The following GRIN2B variants were observed in gnomAD, a reference collection of about 807,000 sequenced individuals.
GRIN2B encodes the protein glutamate receptor ionotropic, NMDA 2B.
GRIN2B carries 5 observed loss-of-function variants against 114.5 expected under a neutral mutation model. That is an observed-to-expected ratio of 0.04 (90% CI 0.02 to 0.09). The LOEUF (loss-of-function observed/expected upper bound fraction) is 0.09. Ranked by LOEUF, GRIN2B falls within the 10% of genes least tolerant of loss-of-function variation. The pLI, the probability that GRIN2B is intolerant of heterozygous loss-of-function variation, is 1.00. For synonymous variants in GRIN2B, 787 were observed against 745.1 expected (o/e 1.06, Z -0.92); for missense variants, 1,108 against 1,943.5 (o/e 0.57, Z 8.08).
chr12:13,720,016 TG>T (rs1312359471), intron 4 of GRIN2B, among the ~76,000 whole-genome samples: 1 of 152,036 alleles, frequency 6.6e-6, no homozygotes, highest in Non-Finnish European at 1.5e-5. Context: ...TGGGAAAGGT[TG>T]GCCCCAGGGA....
chr12:13,754,027 A>G lies in GRIN2B; in HGVS notation c.412-112T>C. 4.4e-6 allele frequency: 3 copies of G among 676,930 alleles called. No homozygotes were observed. In the South Asian group the frequency reaches 5.2e-5, roughly 12 times the overall value. 41.9% of individuals were successfully genotyped at this position (676,930 alleles called of 1,614,324 possible). On this transcript the variant is annotated intron_variant, in intron 3 of 13. Transcript: ENST00000609686. ...AGATTTGTGTTCATTACTTATTTTTATATAATGCCTTTACAAGTTTGTATT... is the reference window on the plus strand; with the variant it reads ...AGATTTGTGTTCATTACTTATTTTTGTATAATGCCTTTACAAGTTTGTATT...
chr12:13,683,657 T>A (rs1950151035), intron 4 of GRIN2B: 1 of 156,452 alleles, frequency 6.4e-6, no homozygotes, highest in African/African-American at 2.4e-5. Context: ...TCCATGTGCA[T>A]CCGTCCCTAA....
chr12:13,916,537 AC>A (rs1382826674), intron 2 of GRIN2B, among the ~76,000 whole-genome samples: 1 of 152,038 alleles, frequency 6.6e-6, no homozygotes, highest in Non-Finnish European at 1.5e-5. Context: ...GGAAAGGAAA[AC>A]TGATCTACTC....
At chr12:13,729,502 G>T (rs1051786262) in intron 4 of GRIN2B, among the ~76,000 whole-genome samples, 4 of 152,220 alleles carry the variant, frequency 2.6e-5, no homozygotes, top group Non-Finnish European at 5.9e-5. Context: ...TCTTGGAGGC[G>T]GGTGGAAGGA....
chr12:13,626,767 C>T (rs964373250), intron 5 of GRIN2B, among the ~76,000 whole-genome samples: 2 of 150,482 alleles, frequency 1.3e-5, no homozygotes, highest in Admixed American at 6.6e-5. Context: ...TGTTGAGCTA[C>T]CAACCAGCCA....
intron 3 of GRIN2B, among the ~76,000 whole-genome samples, chr12:13,838,138 T>C (rs1014861406): frequency 3.3e-5 from 5 of 152,106 alleles, no homozygotes; most frequent in African/African-American, 1.2e-4. Context: ...ATCGGAGGGA[T>C]GAGGACAGGA....
chr12:13,920,954 C>G (rs1414482119), intron 2 of GRIN2B, among the ~76,000 whole-genome samples: 1 of 152,138 alleles, frequency 6.6e-6, no homozygotes, highest in Non-Finnish European at 1.5e-5. Context: ...AGGATTTGTA[C>G]CAATCCTAAC....
intron 3 of GRIN2B, among the ~76,000 whole-genome samples, chr12:13,793,535 A>T (rs543724624): frequency 6.6e-6 from 1 of 152,368 alleles, no homozygotes; most frequent in East Asian, 1.9e-4. Flanking sequence ...TCTGAACAGA[A>T]TGAAGTCATC....
chr12:13,665,235 C>T (rs1949963307), intron 5 of GRIN2B, among the ~76,000 whole-genome samples: 1 of 151,680 alleles, frequency 6.6e-6, no homozygotes, highest in East Asian at 1.9e-4. Flanking sequence ...AAAGCTTTCT[C>T]CCCCCTTTAT....
At chr12:13,717,066 CGTGT>C (rs56360153) in intron 4 of GRIN2B, among the ~76,000 whole-genome samples, 4,203 of 145,818 alleles carry the variant, frequency 0.029, 125 homozygotes, top group African/African-American at 0.072. Context: ...ATGCCATACG[CGTGT>C]GTGTGTGTGT....
intron 4 of GRIN2B, among the ~76,000 whole-genome samples, chr12:13,736,892 G>A (rs931758726): frequency 4.6e-5 from 7 of 151,934 alleles, no homozygotes; most frequent in Admixed American, 1.3e-4. Context: ...GTGGTGGTGC[G>A]TGCCTGTAGC....
chr12:13,739,768 C>T (rs998473409), intron 4 of GRIN2B, among the ~76,000 whole-genome samples: 3 of 152,158 alleles, frequency 2.0e-5, no homozygotes, highest in African/African-American at 4.8e-5. Context: ...GGGAAGGAAG[C>T]GCATCCCTAA....
rs1948236741 is a variant in GRIN2B at position 13,538,385 on chromosome 12, G to T, written c.*24398C>A. 2.0e-5 allele frequency: 3 copies of T among 152,242 alleles called. No individual in the cohort carries two copies. The South Asian group carries it at 6.2e-4, about 32-fold the overall frequency. The allele number at this position is 152,242 out of a possible 1,614,324, so 9.4% of individuals were successfully genotyped here. ...GAACAGACACTTGGCATAGTCTCAG[G>T]AAGTTCTGGCACTCACCCTTGTCAT... is the stretch of plus-strand genomic sequence containing the variant. On this transcript the variant is annotated 3_prime_UTR_variant, in exon 14 of 14. Transcript: ENST00000609686.
intron 12 of GRIN2B, among the ~76,000 whole-genome samples, chr12:13,568,866 A>G (rs1258785779): frequency 6.6e-6 from 1 of 152,226 alleles, no homozygotes; most frequent in Non-Finnish European, 1.5e-5. Context: ...TTGGTGGTTC[A>G]GTCTGCTGCC....
intron 8 of GRIN2B, among the ~76,000 whole-genome samples, chr12:13,613,433 G>A (rs914667598): frequency 2.0e-5 from 3 of 152,068 alleles, no homozygotes; most frequent in Non-Finnish European, 2.9e-5. Flanking sequence ...GAGTAAACTA[G>A]GACTGAGAGG....
chr12:13,929,693 T>C (rs997001467), intron 2 of GRIN2B, among the ~76,000 whole-genome samples: 7 of 152,174 alleles, frequency 4.6e-5, no homozygotes, highest in Admixed American at 2.0e-4. Flanking sequence ...CCAAACTCCA[T>C]GTCAGTGGTT....
intron 4 of GRIN2B, among the ~76,000 whole-genome samples, chr12:13,695,772 T>G (rs1802145326): frequency 6.6e-6 from 1 of 152,184 alleles, no homozygotes; most frequent in South Asian, 2.1e-4. Context: ...TTTTCATTGT[T>G]GTTAAGAAAA....
intron 4 of GRIN2B, among the ~76,000 whole-genome samples, chr12:13,680,238 T>C (rs1360903726): frequency 6.6e-6 from 1 of 152,176 alleles, no homozygotes; most frequent in Non-Finnish European, 1.5e-5. Flanking sequence ...CGATTTTTAA[T>C]ATTAATTAGA....
intron 5 of GRIN2B, among the ~76,000 whole-genome samples, chr12:13,619,393 C>G (rs974035176): frequency 3.3e-5 from 5 of 152,178 alleles, no homozygotes; most frequent in African/African-American, 1.2e-4. Flanking sequence ...AGGGAAGGTA[C>G]GAATGATCCT....
Sources: allele counts gnomAD v4.1 joint callset (sites outside exome capture counted in the v4.1 genomes callset), GRCh38; gene constraint gnomAD v4.1.1; transcripts MANE v1.5; gene names NCBI Gene and HGNC (gene_info 2026-07-23, HGNC 2026-07-21).